The following ALPK1 variants were observed in gnomAD, a reference collection of about 807,000 sequenced individuals.
ALPK1 encodes alpha kinase 1, also known as alpha-protein kinase 1.
A neutral mutation model predicts 120.6 loss-of-function variants in ALPK1; 110 were observed. The observed-to-expected ratio is 0.91, with a 90% CI of 0.78 to 1.07. The LOEUF (loss-of-function observed/expected upper bound fraction) is 1.07. Ranked by LOEUF, ALPK1 falls within the 50% of genes least tolerant of loss-of-function variation. ALPK1 has a pLI of 0.00. For missense variants in ALPK1, 1,498 were observed against 1,483.9 expected (o/e 1.01, Z -0.16); for synonymous variants, 582 against 560.3 (o/e 1.04, Z -0.55).
chr4:112,435,587 C>T (rs2148765798), intron 12 of ALPK1, among the ~76,000 whole-genome samples: 1 of 152,222 alleles, frequency 6.6e-6, no homozygotes, highest in South Asian at 2.1e-4. Context: ...AGTTCCTGGC[C>T]ACATGACAGG....
chr4:112,365,342 G>A (rs1170219520), intron 2 of ALPK1, among the ~76,000 whole-genome samples: 1 of 152,062 alleles, frequency 6.6e-6, no homozygotes, highest in Non-Finnish European at 1.5e-5. Context: ...TTCTAGAACT[G>A]GTAAATAAAT....
intron 2 of ALPK1, among the ~76,000 whole-genome samples, chr4:112,321,160 G>A (rs536962322): frequency 1.4e-4 from 21 of 152,030 alleles, no homozygotes; most frequent in Non-Finnish European, 2.8e-4. Flanking sequence ...GACTCCCAAA[G>A]TGCTAGGATT....
intron 5 of ALPK1, chr4:112,414,410 C>G (rs1733638369): frequency 2.4e-6 from 1 of 417,030 alleles, no homozygotes. Context: ...AGTTCGAGAC[C>G]AGCCTGGACA....
At chr4:112,386,287 C>A (rs1319060936) in intron 4 of ALPK1, among the ~76,000 whole-genome samples, 1 of 152,186 alleles carries the variant, frequency 6.6e-6, no homozygotes, top group East Asian at 1.9e-4. Flanking sequence ...GGGCCAACCT[C>A]CTTTACACTC....
At position 112,441,240 on chromosome 4, in the gene ALPK1, T is replaced by C; in HGVS notation, c.*30T>C. ...CGGCACAGTCTGGTCCTTTGGGGCT[T>C]GGGCAGGGCCGTGACACAGGTTCTG... On this transcript the variant is annotated 3_prime_UTR_variant, in exon 16 of 16. Transcript: ENST00000650871. 1 of 1,455,034 alleles carries C rather than the reference T, an allele frequency of 6.9e-7. No homozygotes were observed. The highest frequency in any genetic ancestry group is 9.7e-7 in the Non-Finnish European group (1 of 1,035,106). The allele number at this position is 1,455,034 out of a possible 1,614,324, so 90.1% of individuals were successfully genotyped here.
At chr4:112,357,855 T>G in intron 2 of ALPK1, 1 of 1,158,006 alleles carries the variant, frequency 8.6e-7, no homozygotes, top group Non-Finnish European at 1.3e-6. Flanking sequence ...ACTACTTGGC[T>G]AGGAAGATGG....
chr4:112,431,995 G>T lies in ALPK1; in HGVS notation c.2448G>T (p.Leu816=). The T allele has an allele frequency of 6.2e-7, 1 of 1,614,082 alleles. No homozygotes were observed. The highest frequency in any genetic ancestry group is 8.5e-7 in the Non-Finnish European group (1 of 1,179,996). Residue 816 remains leucine (L), a synonymous_variant, in exon 11 of 16, where the codon CTG becomes CTT. Coordinates refer to ENST00000650871, the MANE Select transcript of ALPK1 (RefSeq NM_025144.4). ...LHNSLGNISM[L]PCSSFTPNWP... ...ATTCTCTGGGAAACATTTCCATGCT[G>T]CCATGTAGCTCCTTCACCCCTAATT...
At chr4:112,306,335 T>A (rs936182472) in intron 1 of ALPK1, among the ~76,000 whole-genome samples, 2 of 152,098 alleles carry the variant, frequency 1.3e-5, no homozygotes, top group African/African-American at 4.8e-5. Flanking sequence ...TACCAGCCCC[T>A]CTTTGTACCT....
At chr4:112,420,020 C>G (rs1201921695) in intron 5 of ALPK1, among the ~76,000 whole-genome samples, 3 of 152,150 alleles carry the variant, frequency 2.0e-5, no homozygotes, top group East Asian at 3.8e-4. Flanking sequence ...CCATCTCCAG[C>G]TCTTAGCACA....
intron 2 of ALPK1, chr4:112,357,832 T>C: frequency 9.7e-7 from 1 of 1,034,298 alleles, no homozygotes; most frequent in Non-Finnish European, 1.5e-6. Flanking sequence ...GAGCCTGGAG[T>C]TCTGGCAGGC....
At chr4:112,418,253 G>T (rs760580846) in intron 5 of ALPK1, among the ~76,000 whole-genome samples, 5 of 152,270 alleles carry the variant, frequency 3.3e-5, no homozygotes, top group Non-Finnish European at 7.4e-5. Flanking sequence ...GGCCAAACTC[G>T]CTGGAAACCC....
At chr4:112,387,801 C>T (rs1732219539) in intron 4 of ALPK1, among the ~76,000 whole-genome samples, 1 of 152,102 alleles carries the variant, frequency 6.6e-6, no homozygotes, top group African/African-American at 2.4e-5. Context: ...ATTTTAAGTT[C>T]AGGGCTACAC....
At position 112,411,623 on chromosome 4, in the gene ALPK1, TTGAA is replaced by T. The variant is rs1416778436; in HGVS notation, c.277-199_277-196del. On this transcript the variant is annotated intron_variant, in intron 4 of 15. Coordinates refer to ENST00000650871, the MANE Select transcript of ALPK1 (RefSeq NM_025144.4). ...AATTTTATAAATGTAATGGGGGAAA[TTGAA>T]TGAAGGAAATACTATTTTATTGCAC... is the stretch of plus-strand genomic sequence containing the variant. The T allele has an allele frequency of 5.0e-6, 3 of 597,630 alleles. No individual in the cohort carries two copies. The African/African-American group carries it at 5.6e-5, about 11-fold the overall frequency. The allele number at this position is 597,630 out of a possible 1,614,324, so 37.0% of individuals were successfully genotyped here.
intron 3 of ALPK1, among the ~76,000 whole-genome samples, chr4:112,378,833 G>A (rs1046087319): frequency 2.6e-5 from 4 of 152,094 alleles, no homozygotes; most frequent in Non-Finnish European, 5.9e-5. Flanking sequence ...ATTTTTACAA[G>A]GGCACTATGG....
intron 2 of ALPK1, chr4:112,358,246 C>T (rs13128520): frequency 1.3e-4 from 79 of 586,704 alleles, no homozygotes; most frequent in Middle Eastern, 1.1e-3. Flanking sequence ...CCTTTGCAGA[C>T]GCCAGAGCCC....
intron 1 of ALPK1, among the ~76,000 whole-genome samples, chr4:112,312,980 T>G (rs1442990211): frequency 6.6e-6 from 1 of 152,232 alleles, no homozygotes. Context: ...CAGCCTCTTT[T>G]GAATGCCCAG....
At chr4:112,317,994 G>A (rs1728710347) in intron 2 of ALPK1, among the ~76,000 whole-genome samples, 1 of 152,116 alleles carries the variant, frequency 6.6e-6, no homozygotes, top group East Asian at 1.9e-4. Flanking sequence ...GTGTACTTTA[G>A]ATACTATCGT....
At chr4:112,349,667 C>G (rs1330871511) in intron 2 of ALPK1, among the ~76,000 whole-genome samples, 1 of 150,932 alleles carries the variant, frequency 6.6e-6, no homozygotes, top group Non-Finnish European at 1.5e-5. Flanking sequence ...GATTCTCCTG[C>G]CTCAGTCTCC....
chr4:112,349,561 G>A (rs901294910), intron 2 of ALPK1, among the ~76,000 whole-genome samples: 4 of 23,482 alleles, frequency 1.7e-4, no homozygotes, highest in African/African-American at 8.4e-4. Flanking sequence ...GCCCCCCCCC[G>A]CTTTATTTTT....
Sources: allele counts gnomAD v4.1 joint callset (sites outside exome capture counted in the v4.1 genomes callset), GRCh38; gene constraint gnomAD v4.1.1; transcripts MANE v1.5; gene names NCBI Gene and HGNC (gene_info 2026-07-23, HGNC 2026-07-21).